ZNF676: variants seen among roughly 807,000 people sequenced by gnomAD.
ZNF676 encodes zinc finger protein 676.
In ZNF676, 4 loss-of-function variants were observed where a neutral mutation model predicts 6.0. The ratio of observed to expected loss-of-function variants is 0.67; its 90% confidence interval spans 0.33 to 1.53. ZNF676 has a LOEUF of 1.53. Ranked by LOEUF, ZNF676 falls within the 40% of genes most tolerant of loss-of-function variation. The probability of loss-of-function intolerance (pLI) is 0.06; values close to 1 mark genes in which losing one functional copy is unlikely to be tolerated. For missense variants in ZNF676, 644 were observed against 679.7 expected, an observed-to-expected ratio of 0.95 and a Z score of 0.58; for synonymous variants, 198 against 223.1, an observed-to-expected ratio of 0.89 and a Z score of 1.00.
the ZNF676 span, among the ~76,000 whole-genome samples, chr19:22,239,337 G>A: frequency 4.0e-5 from 6 of 151,198 alleles, no homozygotes; most frequent in African/African-American, 9.7e-5. Flanking sequence ...CACCATGCCC[G>A]GCTAATTTTT....
the ZNF676 span, among the ~76,000 whole-genome samples, chr19:22,255,717 T>C: frequency 5.3e-5 from 8 of 151,840 alleles, no homozygotes; most frequent in Non-Finnish European, 7.4e-5. Context: ...TGGTGGCGGG[T>C]GCCTGTTGTC....
the ZNF676 span, among the ~76,000 whole-genome samples, chr19:22,245,976 G>C: frequency 6.6e-6 from 1 of 152,102 alleles, no homozygotes; most frequent in African/African-American, 2.4e-5. Flanking sequence ...TTGTGGGCAG[G>C]ACCCAGGCAG....
chr19:22,182,593 A>AAAAAAAAAAAAAAAAC (rs1356303631), intron 2 of ZNF676, among the ~76,000 whole-genome samples: 7,313 of 88,856 alleles, frequency 0.082, 341 homozygotes, highest in Non-Finnish European at 0.11. Context: ...TCTAAAAAAA[A>AAAAAAAAAAAAAAAAC]AAAAAAAAAG....
chr19:22,179,769 A>T lies in ZNF676; in HGVS notation c.*181T>A. ...TTGAGGACCGGTTGAAGCCTTTGTCACATTCTTCACGTTTGTAGTGTTTCT... is the reference window on the plus strand; with the variant it reads ...TTGAGGACCGGTTGAAGCCTTTGTCTCATTCTTCACGTTTGTAGTGTTTCT... On this transcript the variant is annotated 3_prime_UTR_variant, in exon 3 of 3. Coordinates refer to ENST00000397121, the MANE Select transcript of ZNF676 (RefSeq NM_001001411.3). The T allele has an allele frequency of 1.2e-6, 1 of 825,992 alleles. No individual in the cohort carries two copies. The highest frequency in any genetic ancestry group is 2.1e-6 in the Non-Finnish European group (1 of 487,362). The allele number at this position is 825,992 out of a possible 1,614,324, so 51.2% of individuals were successfully genotyped here. A position where few individuals can be genotyped will look rare whatever the true frequency, so the allele number is the denominator to read the frequency against.
At chr19:22,227,791 T>C in the ZNF676 span, among the ~76,000 whole-genome samples, 1 of 152,230 alleles carries the variant, frequency 6.6e-6, no homozygotes, top group Admixed American at 6.5e-5. Context: ...ACACATACCC[T>C]CTGAAGACTA....
At chr19:22,192,398 A>G (rs1252626975) in intron 2 of ZNF676, among the ~76,000 whole-genome samples, 2 of 152,140 alleles carry the variant, frequency 1.3e-5, no homozygotes, top group African/African-American at 4.8e-5. Flanking sequence ...TAGATTCAGT[A>G]AACTCTGTCA....
upstream of ZNF676, among the ~76,000 whole-genome samples, chr19:22,200,104 T>G (rs2024008947): frequency 6.6e-6 from 1 of 152,106 alleles, no homozygotes; most frequent in Admixed American, 6.5e-5. Flanking sequence ...TCTATGGCAC[T>G]GGGGGGTATT....
At chr19:22,235,020 G>GGA in the ZNF676 span, among the ~76,000 whole-genome samples, 1 of 56,666 alleles carries the variant, frequency 1.8e-5, no homozygotes, top group African/African-American at 7.5e-5. Flanking sequence ...AAGAAAGAAA[G>GGA]AAAGAAAGAA....
chr19:22,234,475 G>A, the ZNF676 span, among the ~76,000 whole-genome samples: 1 of 152,186 alleles, frequency 6.6e-6, no homozygotes, highest in Non-Finnish European at 1.5e-5. Context: ...TTTGTGGTTA[G>A]ATGGGTCAGA....
At chr19:22,221,205 A>G in the ZNF676 span, among the ~76,000 whole-genome samples, 1 of 151,926 alleles carries the variant, frequency 6.6e-6, no homozygotes, top group Non-Finnish European at 1.5e-5. Flanking sequence ...TGATGTATGT[A>G]TTTAATGCTA....
At chr19:22,186,593 G>T (rs1285878839) in intron 2 of ZNF676, among the ~76,000 whole-genome samples, 1 of 152,148 alleles carries the variant, frequency 6.6e-6, no homozygotes, top group Non-Finnish European at 1.5e-5. Context: ...CTGGCAAATT[G>T]AATAAAGATT....
At chr19:22,252,932 G>A in the ZNF676 span, among the ~76,000 whole-genome samples, 6 of 152,210 alleles carry the variant, frequency 3.9e-5, no homozygotes, top group Non-Finnish European at 2.9e-5. Flanking sequence ...AAGGTCCAGA[G>A]ATGAGATTAA....
chr19:22,219,331 T>C (rs1334459563), upstream of ZNF676, among the ~76,000 whole-genome samples: 2 of 152,072 alleles, frequency 1.3e-5, no homozygotes, highest in African/African-American at 4.8e-5. Flanking sequence ...ACTCCTGACC[T>C]CAAGTGATCC....
chr19:22,198,308 A>G (rs575312796), upstream of ZNF676, among the ~76,000 whole-genome samples: 5 of 152,222 alleles, frequency 3.3e-5, no homozygotes, highest in Non-Finnish European at 7.3e-5. Flanking sequence ...ATAAGAAGCC[A>G]TAATATAGAG....
At position 22,187,888 on chromosome 19, in the gene ZNF676, A is replaced by C. The variant is rs542692603; in HGVS notation, c.130+5128T>G. Among the ~76,000 whole-genome samples the C allele has an allele frequency of 1.0e-3, 153 of 152,224 alleles. 1 individual carries two copies. The highest frequency in any genetic ancestry group is 2.6e-3 in the Admixed American group (40 of 15,282). The stretch of plus-strand genomic sequence containing the variant: ...TTGAGGCGGTACTTATGGGCCTACC[A>C]ACCAAAAATGTCCAGAATCTGATGG... On this transcript the variant is annotated intron_variant, in intron 2 of 2. Transcript: ENST00000397121.
chr19:22,214,714 A>G (rs544894470), intron 1 of ZNF676, among the ~76,000 whole-genome samples: 1 of 152,006 alleles, frequency 6.6e-6, no homozygotes, highest in East Asian at 1.9e-4. Context: ...TGATTACATA[A>G]CCAAGAAATT....
the ZNF676 span, among the ~76,000 whole-genome samples, chr19:22,227,030 G>C: frequency 6.6e-6 from 1 of 152,272 alleles, no homozygotes; most frequent in East Asian, 1.9e-4. Flanking sequence ...AATTTTGAAA[G>C]AGCATACTGG....
chr19:22,202,185 C>G (rs368752045), intron 1 of ZNF676, among the ~76,000 whole-genome samples: 47 of 152,058 alleles, frequency 3.1e-4, no homozygotes, highest in African/African-American at 1.1e-3. Flanking sequence ...TGGATTCTCA[C>G]GTCTACAGGT....
At chr19:22,216,035 T>C (rs946798331), upstream of ZNF676, among the ~76,000 whole-genome samples, 1 of 152,266 alleles carries the variant, frequency 6.6e-6, no homozygotes, top group African/African-American at 2.4e-5. Flanking sequence ...ATTCTCTCTT[T>C]TTAAATGTAT....
Sources: allele counts gnomAD v4.1 joint callset (sites outside exome capture counted in the v4.1 genomes callset), GRCh38; gene constraint gnomAD v4.1.1; transcripts MANE v1.5; gene names NCBI Gene and HGNC (gene_info 2026-07-23, HGNC 2026-07-21).